SASS6: variants seen among roughly 807,000 people sequenced by gnomAD.
The protein encoded by SASS6 is spindle assembly abnormal protein 6 homolog.
A neutral mutation model predicts 94.9 loss-of-function variants in SASS6; 59 were observed. The observed-to-expected ratio is 0.62, with a 90% confidence interval of 0.50 to 0.77. The LOEUF (loss-of-function observed/expected upper bound fraction) is 0.77, where lower values mean the gene tolerates loss of function less well. Ranked by LOEUF, SASS6 falls within the 30% of genes least tolerant of loss-of-function variation. The probability of loss-of-function intolerance (pLI) is 0.00; values close to 1 mark genes in which losing one functional copy is unlikely to be tolerated. For synonymous variants in SASS6, 264 were observed against 270.0 expected (o/e 0.98, Z 0.22); for missense variants, 698 against 734.1 (o/e 0.95, Z 0.57).
chr1:100,106,177 T>G (rs1032560818), intron 12 of SASS6, among the ~76,000 whole-genome samples: 1 of 152,164 alleles, frequency 6.6e-6, no homozygotes, highest in African/African-American at 2.4e-5. Flanking sequence ...CTAGAATATC[T>G]TACAGTTTAC....
intron 14 of SASS6, among the ~76,000 whole-genome samples, chr1:100,091,614 T>C (rs1400099739): frequency 1.8e-5 from 2 of 109,250 alleles, no homozygotes; most frequent in Non-Finnish European, 3.7e-5. Flanking sequence ...TTCAAATGAA[T>C]GTAAAAAAGT....
rs752483959 is a variant in SASS6, at chr1:100,110,361, T to G, written c.792A>C (p.Leu264Phe). 1.9e-6 allele frequency: 3 copies of G among 1,608,668 alleles called. No homozygotes were observed. The highest frequency in any genetic ancestry group is 2.5e-6 in the Non-Finnish European group (3 of 1,176,560). Residue 264 changes from leucine (L) to phenylalanine (F), a missense_variant, in exon 8 of 17, where the codon TTA (leucine) becomes TTC (phenylalanine). By Grantham distance (22) the Leu-to-Phe change is conservative (BLOSUM62 0). Transcript: ENST00000287482. Reference sequence around the variant, plus strand: ...AGTCTCCTTTATATTTTCTTTCGGTTAAGTCTTTATTAGCCGCTTCTAACT... The same window carrying G: ...AGTCTCCTTTATATTTTCTTTCGGTGAAGTCTTTATTAGCCGCTTCTAACT... ...LSELEAANKD[L>F]TERKYKGDST...
chr1:100,108,015 AAAAG>A lies in SASS6; in HGVS notation c.862-15_862-12del. ...AGTCCGCTGTAGCTCCTAGAATGGG[AAAAG>A]AAAGAAATTAAGCATTATGAAAAAA... On this transcript the variant is annotated splice_polypyrimidine_tract_variant and intron_variant, in intron 8 of 16. Transcript: ENST00000287482. 1 of 1,545,942 alleles carries A rather than the reference AAAAG, an allele frequency of 6.5e-7. No homozygotes were observed. Among genetic ancestry groups the A allele is most frequent in the East Asian group, 2.3e-5 (1 of 43,744 alleles).
rs997935284 is a variant in SASS6 at position 100,084,719 on chromosome 1, ATTATT to A, written c.*604_*608del. ...ATCTGGTCACATAAAAACTGTCCAAATTATTTTAAGTATATCAAATTTATTTGATT... is the reference window on the plus strand; with the variant it reads ...ATCTGGTCACATAAAAACTGTCCAAATTAAGTATATCAAATTTATTTGATT... On this transcript the variant is annotated 3_prime_UTR_variant, in exon 17 of 17. Coordinates refer to ENST00000287482, the MANE Select transcript of SASS6 (RefSeq NM_194292.3). The A allele has an allele frequency of 1.6e-4, 24 of 152,286 alleles. No individual in the cohort carries two copies. The highest frequency in any genetic ancestry group is 5.5e-4 in the African/African-American group (23 of 41,576). 9.4% of individuals were successfully genotyped at this position (152,286 alleles called of 1,614,324 possible). A position where few individuals can be genotyped will look rare whatever the true frequency, so the allele number is the denominator to read the frequency against.
chr1:100,100,082 A>G (rs1217408258), intron 14 of SASS6, among the ~76,000 whole-genome samples: 3 of 152,118 alleles, frequency 2.0e-5, no homozygotes, highest in Non-Finnish European at 4.4e-5. Flanking sequence ...CCTGACCAAC[A>G]TGGTGAAACC....
At chr1:100,125,850 A>C (rs1405172848) in intron 2 of SASS6, 32 bp downstream of exon 2, 1 of 1,066,278 alleles carries the variant, frequency 9.4e-7, no homozygotes, top group East Asian at 2.4e-5. Flanking sequence ...AATGTACCGA[A>C]ATGATATTTC....
At chr1:100,091,095 A>C (rs500774) in intron 14 of SASS6, among the ~76,000 whole-genome samples, 1,565 of 152,244 alleles carry the variant, frequency 0.01, 31 homozygotes, top group African/African-American at 0.036. Flanking sequence ...ACATGAGGCC[A>C]GAAGTTTGAG....
rs905487317 is a variant in SASS6, at chr1:100,084,611, A to C, written c.*717T>G. ...ATTTAACTGCATAATAAAACTACAA[A>C]TTGAGAAAAACTAGATGAGTATAAA... On this transcript the variant is annotated 3_prime_UTR_variant, in exon 17 of 17. Transcript: ENST00000287482. The C allele has an allele frequency of 5.9e-5, 9 of 152,178 alleles. No homozygotes were observed. Among genetic ancestry groups the C allele is most frequent in the Admixed American group, 5.2e-4 (8 of 15,290 alleles). The allele number at this position is 152,178 out of a possible 1,614,324, so 9.4% of individuals were successfully genotyped here. A position where few individuals can be genotyped will look rare whatever the true frequency, so the allele number is the denominator to read the frequency against.
intron 13 of SASS6, among the ~76,000 whole-genome samples, chr1:100,104,266 T>C (rs908493848): frequency 6.6e-6 from 1 of 152,252 alleles, no homozygotes; most frequent in African/African-American, 2.4e-5. Context: ...GGCATGATTA[T>C]GAAACAGTCT....
intron 7 of SASS6, among the ~76,000 whole-genome samples, chr1:100,110,973 G>GT (rs1317701604): frequency 6.6e-6 from 1 of 151,970 alleles, no homozygotes; most frequent in Non-Finnish European, 1.5e-5. Context: ...TGGTTCATTA[G>GT]TCCAATCTTA....
chr1:100,132,074 C>G (rs1259487655), intron 1 of SASS6, among the ~76,000 whole-genome samples: 3 of 152,178 alleles, frequency 2.0e-5, no homozygotes, highest in Non-Finnish European at 4.4e-5. Context: ...CTCTGTGCGA[C>G]TGGTCTTTAT....
chr1:100,105,897 G>T lies in SASS6; in HGVS notation c.1415C>A (p.Thr472Lys). The T allele has an allele frequency of 6.3e-7, 1 of 1,589,374 alleles. No homozygotes were observed. The highest frequency in any genetic ancestry group is 8.6e-7 in the Non-Finnish European group (1 of 1,165,798). Residue 472 changes from threonine (T) to lysine (K), a missense_variant, in exon 13 of 17, where the codon ACG (threonine) becomes AAG (lysine). By Grantham distance (78) the Thr-to-Lys change is moderately conservative (BLOSUM62 -1). Coordinates refer to ENST00000287482, the MANE Select transcript of SASS6 (RefSeq NM_194292.3). Reference sequence around the variant, plus strand: ...TTCATTTAGTTCTTTATTTAACCACGTGATTACTTAAATAAAAGAACAAGA... The same window carrying T: ...TTCATTTAGTTCTTTATTTAACCACTTGATTACTTAAATAAAAGAACAAGA... ...QLLKNNEKLI[T>K]WLNKELNENQ...
intron 3 of SASS6, 61 bp downstream of exon 3, chr1:100,123,149 C>T: frequency 1.4e-6 from 1 of 704,298 alleles, no homozygotes; most frequent in Non-Finnish European, 2.5e-6. Flanking sequence ...GAGAACAGTA[C>T]CAATAAAACT....
rs894070932 is a variant in SASS6, at chr1:100,106,897, A to T, written c.1408+15T>A. The T allele has an allele frequency of 7.7e-6, 8 of 1,043,118 alleles. No individual in the cohort carries two copies. Among genetic ancestry groups the T allele is most frequent in the Non-Finnish European group, 1.2e-5 (8 of 673,314 alleles). The allele number at this position is 1,043,118 out of a possible 1,614,324, so 64.6% of individuals were successfully genotyped here. On this transcript the variant is annotated intron_variant, in intron 12 of 16. Coordinates refer to ENST00000287482, the MANE Select transcript of SASS6 (RefSeq NM_194292.3). ...AACTACAAACCTCATTTACATTAAC[A>T]CGTAACATACTTACACTTTTCATTA...
chr1:100,096,553 AT>A (rs1349361252), intron 14 of SASS6, among the ~76,000 whole-genome samples: 1 of 152,240 alleles, frequency 6.6e-6, no homozygotes, highest in Non-Finnish European at 1.5e-5. Context: ...TCCATCAAAT[AT>A]TAAAAACTTT....
intron 13 of SASS6, 68 bp from the exon 14 acceptor site, chr1:100,103,151 T>A (rs1652692350): frequency 4.9e-6 from 5 of 1,018,874 alleles, no homozygotes; most frequent in Non-Finnish European, 7.2e-6. Flanking sequence ...GTTGATCAGG[T>A]GGCATTAGCA....
At chr1:100,106,850 T>C (rs1652947864) in intron 12 of SASS6, 62 bp downstream of exon 12, 1 of 755,008 alleles carries the variant, frequency 1.3e-6, no homozygotes, top group Non-Finnish European at 2.3e-6. Context: ...TGAGACCGTG[T>C]CTCAAAAAAA....
rs749953313 is a variant in SASS6, at chr1:100,088,187, A to C, written c.1724T>G (p.Val575Gly). ...CATACTAATAGTTGCTCCTGACTGA[A>C]CATCTCCTAGTGATGCATTTGGTTT... ...FTKPNASLGD[V>G]QSGATISMPC... Residue 575 changes from valine (V) to glycine (G), a missense_variant, in exon 15 of 17, where the codon GTT becomes GGT. Coordinates refer to ENST00000287482, the MANE Select transcript of SASS6 (RefSeq NM_194292.3). 1.9e-6 allele frequency: 3 copies of C among 1,608,178 alleles called. No individual in the cohort carries two copies. Among genetic ancestry groups the C allele is most frequent in the Non-Finnish European group, 2.6e-6 (3 of 1,174,882 alleles).
At position 100,128,811 on chromosome 1, in the gene SASS6, G is replaced by C. The variant is rs151011371; in HGVS notation, c.66-2869C>G. Among the ~76,000 whole-genome samples, 376 of 152,222 alleles carry C rather than the reference G, an allele frequency of 2.5e-3. 4 individuals carry two copies. The East Asian group carries it at 0.026, about 11-fold the overall frequency. On this transcript the variant is annotated intron_variant, in intron 1 of 16. Transcript: ENST00000287482. ...AAATAAAAAGTATTCTAAACATCAG[G>C]CTTGCTTTAGCACAACTGGATTCTA...
Sources: allele counts gnomAD v4.1 joint callset (sites outside exome capture counted in the v4.1 genomes callset), GRCh38; gene constraint gnomAD v4.1.1; transcripts MANE v1.5; gene names NCBI Gene and HGNC (gene_info 2026-07-23, HGNC 2026-07-21).